Variants in SRFBP1 observed in about 807,000 individuals in gnomAD.
SRFBP1 encodes serum response factor-binding protein 1.
In SRFBP1, 47 loss-of-function variants were observed where a neutral mutation model predicts 45.5. The ratio of observed to expected loss-of-function variants is 1.03; its 90% CI spans 0.82 to 1.32. The LOEUF (loss-of-function observed/expected upper bound fraction) is 1.32. Among genes scored for constraint, SRFBP1 ranks in the 40% most tolerant of loss-of-function variants. SRFBP1 has a pLI of 0.00. For missense variants in SRFBP1, 621 were observed against 484.6 expected (o/e 1.28, Z -2.64); for synonymous variants, 203 against 166.3 (o/e 1.22, Z -1.70).
In SRFBP1 at chr5:122,070,160, T is replaced by C. The variant is rs35146783; in HGVS notation, n.312-5155T>C. On this transcript the variant is annotated intron_variant and non_coding_transcript_variant, in intron 2 of 2. Transcript: ENST00000504881. ...ATTCAGGAACCAGGTAGCTGGGGTT[T>C]ACACTGACCTGGGCAACACAAAGAG... The C allele has an allele frequency of 3.8e-6, 6 of 1,586,420 alleles. No homozygotes were observed. The African/African-American group carries it at 8.1e-5, about 21-fold the overall frequency.
Position 122,019,355 on chromosome 5 carries a change from G to T in SRFBP1, c.352+14G>T. ...ATGTGCTAAAAGGTATGAATTAAAT[G>T]ACTTTTAAGCCATGTACTTAATGTA... On this transcript the variant is annotated intron_variant, in intron 5 of 7. Transcript: ENST00000339397. The T allele has an allele frequency of 6.3e-7, 1 of 1,597,888 alleles. No homozygotes were observed.
chr5:121,978,835 C>T (rs534521806), intron 3 of SRFBP1, among the ~76,000 whole-genome samples: 4 of 152,258 alleles, frequency 2.6e-5, no homozygotes, highest in Non-Finnish European at 5.9e-5. Context: ...AAGGCTGTTA[C>T]TTCTTCCTAT....
intron 3 of SRFBP1, among the ~76,000 whole-genome samples, chr5:121,993,009 G>A (rs994649832): frequency 9.2e-5 from 14 of 152,170 alleles, no homozygotes; most frequent in Admixed American, 2.6e-4. Flanking sequence ...ACTGTATTTG[G>A]CTAACTTGTT....
chr5:122,024,982 TTAAG>T (rs1449881423), intron 7 of SRFBP1, among the ~76,000 whole-genome samples: 1 of 152,148 alleles, frequency 6.6e-6, no homozygotes, highest in Non-Finnish European at 1.5e-5. Flanking sequence ...TTATTACACT[TTAAG>T]TTTTAGAGTA....
In SRFBP1 at chr5:122,020,434, C is replaced by CA. The variant is rs751748506; in HGVS notation, c.707dup (p.Asn236LysfsTer5). ...CAAAACTGAAAACTCTAAGTCAAACCAAAAAAAACAAAGGATCTGATAGCT... is the reference window on the plus strand; with the variant it reads ...CAAAACTGAAAACTCTAAGTCAAACCAAAAAAAAACAAAGGATCTGATAGCT... On this transcript the variant is annotated frameshift_variant, in exon 6 of 8. Coordinates refer to ENST00000339397, the MANE Select transcript of SRFBP1 (RefSeq NM_152546.3). LOFTEE classifies it high-confidence loss of function. 59 of 1,612,876 alleles carry CA rather than the reference C, an allele frequency of 3.7e-5. No homozygotes were observed. The highest frequency in any genetic ancestry group is 6.6e-5 in the South Asian group (6 of 91,024).
rs368023437 is a variant in SRFBP1 at position 121,970,675 on chromosome 5, C to T, written c.37-3521C>T. On this transcript the variant is annotated intron_variant, in intron 1 of 7. Coordinates refer to ENST00000339397, the MANE Select transcript of SRFBP1 (RefSeq NM_152546.3). ...GCAGGAAAGAAACCTGATTACTGTG[C>T]ATTTTTAAAATATATTATGCATTTG... Among the ~76,000 whole-genome samples, 9 of 151,862 alleles carry T rather than the reference C, an allele frequency of 5.9e-5. No individual in the cohort carries two copies. The East Asian group carries it at 1.4e-3, about 23-fold the overall frequency.
At chr5:122,008,834 C>T (rs958431291) in intron 4 of SRFBP1, among the ~76,000 whole-genome samples, 5 of 152,104 alleles carry the variant, frequency 3.3e-5, no homozygotes, top group African/African-American at 1.2e-4. Context: ...TGGCATATTT[C>T]AGAAACTAGG....
At chr5:121,997,766 T>C (rs1382716511) in intron 4 of SRFBP1, among the ~76,000 whole-genome samples, 1 of 151,722 alleles carries the variant, frequency 6.6e-6, no homozygotes, top group Non-Finnish European at 1.5e-5. Flanking sequence ...AACCTACTCA[T>C]CTGACAAAGG....
chr5:122,070,183 G>C lies in SRFBP1; in HGVS notation n.312-5132G>C, dbSNP rs371936498. ...TTTACACTGACCTGGGCAACACAAA[G>C]AGTTCCTCAGTATTTCTTTTTCCAT... On this transcript the variant is annotated intron_variant and non_coding_transcript_variant, in intron 2 of 2. Transcript: ENST00000504881. 3 of 1,359,930 alleles carry C rather than the reference G, an allele frequency of 2.2e-6. No homozygotes were observed. The East Asian group carries it at 6.9e-5, about 31-fold the overall frequency. 84.2% of individuals were successfully genotyped at this position (1,359,930 alleles called of 1,614,324 possible). A position where few individuals can be genotyped will look rare whatever the true frequency, so the allele number is the denominator to read the frequency against.
At chr5:121,975,165 T>G (rs1752276627) in intron 2 of SRFBP1, 150 bp from the exon 3 acceptor site, 4 of 742,868 alleles carry the variant, frequency 5.4e-6, no homozygotes, top group Non-Finnish European at 8.5e-6. Context: ...GTTTTGGGAG[T>G]GGGGGAAATG....
At chr5:122,022,192 A>G (rs1753341614) in intron 6 of SRFBP1, among the ~76,000 whole-genome samples, 178 bp from the exon 7 acceptor site, 1 of 152,182 alleles carries the variant, frequency 6.6e-6, no homozygotes, top group Non-Finnish European at 1.5e-5. Flanking sequence ...GATTCTAACA[A>G]ACCTTTGTTT....
At chr5:121,974,109 TAA>T in intron 1 of SRFBP1, 85 bp from the exon 2 acceptor site, 1 of 864,498 alleles carries the variant, frequency 1.2e-6, no homozygotes, top group Non-Finnish European at 1.9e-6. Flanking sequence ...AGTGGTAGAC[TAA>T]GTCTCAAATA....
chr5:122,035,519 T>C (rs1054884357), intron 2 of SRFBP1, among the ~76,000 whole-genome samples: 6 of 152,206 alleles, frequency 3.9e-5, no homozygotes, highest in Admixed American at 6.5e-5. Flanking sequence ...AGGAGGTGCT[T>C]GTACTTCCCT....
intron 1 of SRFBP1, among the ~76,000 whole-genome samples, chr5:121,966,884 A>G (rs1226353123): frequency 6.7e-6 from 1 of 149,396 alleles, no homozygotes; most frequent in Non-Finnish European, 1.5e-5. Context: ...GGTTCACGCC[A>G]TTCTTCTGCC....
At chr5:121,979,492 A>T (rs1752365067) in intron 3 of SRFBP1, among the ~76,000 whole-genome samples, 1 of 152,182 alleles carries the variant, frequency 6.6e-6, no homozygotes, top group African/African-American at 2.4e-5. Flanking sequence ...TCAACTTAAC[A>T]TTTTGTTCAT....
chr5:121,979,465 T>C (rs530409058), intron 3 of SRFBP1, among the ~76,000 whole-genome samples: 24 of 152,370 alleles, frequency 1.6e-4, no homozygotes, highest in African/African-American at 5.8e-4. Context: ...TACACTGTAC[T>C]GTGTTAATTA....
intron 1 of SRFBP1, among the ~76,000 whole-genome samples, chr5:121,973,058 AAAG>A (rs2112816645): frequency 6.6e-6 from 1 of 151,772 alleles, no homozygotes; most frequent in Non-Finnish European, 1.5e-5. Flanking sequence ...GAAGAGCCTT[AAAG>A]AAACAGGATG....
At chr5:122,018,561 T>A (rs78677502) in intron 4 of SRFBP1, among the ~76,000 whole-genome samples, 1,761 of 152,318 alleles carry the variant, frequency 0.012, 22 homozygotes, top group Middle Eastern at 0.031. Flanking sequence ...AATCAAAGAA[T>A]TCTGTTTTGA....
At chr5:122,018,878 AAT>A (rs1232164167) in intron 4 of SRFBP1, among the ~76,000 whole-genome samples, 2 of 152,240 alleles carry the variant, frequency 1.3e-5, no homozygotes, top group East Asian at 1.9e-4. Flanking sequence ...GTTTAGCACT[AAT>A]ATGTTATTTG....
Sources: allele counts gnomAD v4.1 joint callset (sites outside exome capture counted in the v4.1 genomes callset), GRCh38; gene constraint gnomAD v4.1.1; transcripts MANE v1.5; gene names NCBI Gene and HGNC (gene_info 2026-07-23, HGNC 2026-07-21).